Variants in CARD10 observed in about 807,000 individuals in gnomAD.
The protein encoded by CARD10 is caspase recruitment domain-containing protein 10.
CARD10 carries 49 observed loss-of-function variants against 114.6 expected under a neutral mutation model. That is an observed-to-expected ratio of 0.43 (90% confidence interval 0.34 to 0.54). The LOEUF (loss-of-function observed/expected upper bound fraction) is 0.54. Ranked by LOEUF, CARD10 falls within the 20% of genes least tolerant of loss-of-function variation. The pLI is 0.03. For synonymous variants in CARD10, 602 were observed against 593.2 expected (o/e 1.01, Z -0.21); for missense variants, 1,206 against 1,397.2 (o/e 0.86, Z 2.18).
intron 14 of CARD10, 67 bp from the exon 15 acceptor site, chr22:37,495,653 C>T (rs982522107): frequency 4.7e-5 from 76 of 1,610,378 alleles, no homozygotes; most frequent in East Asian, 1.3e-4. Context: ...TCGAACCCCC[C>T]GCCCTGTCCC....
rs760532902 is a variant in CARD10 at position 37,508,660 on chromosome 22, G to A, written c.932C>T (p.Pro311Leu). The change falls in exon 5 of 20, where the codon CCG (proline) becomes CTG (leucine). Residue 311 changes from proline to leucine, a missense_variant. Transcript: ENST00000251973. Reference sequence around the variant, plus strand: ...GTCCAGCAGGATGCGCTCGGAGCCCGGGGCCCCCGGCCGGCTCGCCTCCTG... The same window carrying A: ...GTCCAGCAGGATGCGCTCGGAGCCCAGGGCCCCCGGCCGGCTCGCCTCCTG... The part of the protein sequence containing the change: ...LQQEASRPGA[P>L]GSERILLDIL... The A allele has an allele frequency of 2.4e-5, 38 of 1,572,710 alleles. No individual in the cohort carries two copies. Among genetic ancestry groups the A allele is most frequent in the African/African-American group, 5.4e-5 (4 of 74,252 alleles).
In CARD10 at chr22:37,501,357, TGGAGGAAG is replaced by T. The variant is rs1280985363; in HGVS notation, c.1787+1237_1787+1244del. The stretch of plus-strand genomic sequence containing the variant: ...CCAGGACCCCTGCTGCAGCCCAAAC[TGGAGGAAG>T]GGAGGAAGGGCCGAGGCGAGCAGGA... On this transcript the variant is annotated intron_variant, in intron 11 of 19. Transcript: ENST00000251973. The surrounding 1 kb of genome is among the most constrained non-coding windows in gnomAD (Gnocchi z 5.4). 1.3e-5 allele frequency among the ~76,000 whole-genome samples: 2 copies of T among 152,006 alleles called. No homozygotes were observed. The highest frequency in any genetic ancestry group is 2.9e-5 in the Non-Finnish European group (2 of 67,974).
chr22:37,512,627 C>A (rs549197310), intron 3 of CARD10, among the ~76,000 whole-genome samples: 2 of 152,190 alleles, frequency 1.3e-5, no homozygotes, highest in East Asian at 3.9e-4. Context: ...TTTCCACTCA[C>A]AAAACATGCT....
chr22:37,510,286 G>C lies in CARD10; in HGVS notation c.835C>G (p.Leu279Val), dbSNP rs767037189. 2 of 1,605,418 alleles carry C rather than the reference G, an allele frequency of 1.2e-6. No individual in the cohort carries two copies. Among genetic ancestry groups the C allele is most frequent in the South Asian group, 1.1e-5 (1 of 91,024 alleles). The change falls in exon 4 of 20, where the codon CTT becomes GTT. Residue 279 changes from leucine (L) to valine (V), a missense_variant. Coordinates refer to ENST00000251973, the MANE Select transcript of CARD10 (RefSeq NM_014550.4). ...TTCTCAGCACGCAGCTCAGAGACAA[G>C]GTCCACATTGTCTGGCTCCTTCTCC... ...EKEKEPDNVD[L>V]VSELRAENQR... is the part of the protein sequence containing the mutation.
intron 2 of CARD10, among the ~76,000 whole-genome samples, chr22:37,516,624 TCAA>T (rs1480272418): frequency 1.3e-5 from 2 of 151,898 alleles, no homozygotes; most frequent in African/African-American, 4.8e-5. Flanking sequence ...ATCAATAAGA[TCAA>T]CAACCAAATA....
rs1569166135 is a variant in CARD10 at position 37,508,663 on chromosome 22, G to T, written c.929C>A (p.Ala310Asp). 6.4e-7 allele frequency: 1 copy of T among 1,570,552 alleles called. No individual in the cohort carries two copies. The highest frequency in any genetic ancestry group is 1.2e-5 in the South Asian group (1 of 86,468). ...CAGCAGGATGCGCTCGGAGCCCGGG[G>T]CCCCCGGCCGGCTCGCCTCCTGGGG... Reference protein sequence around the residue: ...GLQQEASRPGAPGSERILLDI... With the variant: ...GLQQEASRPGDPGSERILLDI... The change falls in exon 5 of 20, where the codon GCC becomes GAC. Residue 310 changes from alanine to aspartate, a missense_variant. Coordinates refer to ENST00000251973, the MANE Select transcript of CARD10 (RefSeq NM_014550.4).
chr22:37,518,985 C>A lies in CARD10; in HGVS notation c.216G>T (p.Pro72=), dbSNP rs770701158. 3 of 1,554,300 alleles carry A rather than the reference C, an allele frequency of 1.9e-6. No homozygotes were observed. Among genetic ancestry groups the A allele is most frequent in the Admixed American group, 3.6e-5 (2 of 55,786 alleles). The part of the protein sequence containing the change: ...EEEVLSTYRF[P]CRVNRTGRLM... ...GCTCACCGGTGCGGTTGACGCGGCACGGGAAGCGGTAGGTGCTCAGCACCT... is the reference window on the plus strand; with the variant it reads ...GCTCACCGGTGCGGTTGACGCGGCAAGGGAAGCGGTAGGTGCTCAGCACCT... Residue 72 remains proline, a synonymous_variant, in exon 1 of 20, where the codon CCG becomes CCT. Coordinates refer to ENST00000251973, the MANE Select transcript of CARD10 (RefSeq NM_014550.4).
chr22:37,515,104 CAG>C (rs1353757037), intron 3 of CARD10, among the ~76,000 whole-genome samples: 2 of 152,240 alleles, frequency 1.3e-5, no homozygotes, highest in African/African-American at 2.4e-5. Context: ...ATCTGAGTCT[CAG>C]AGTCTGTATT....
chr22:37,491,615 G>A lies in CARD10; in HGVS notation c.2864+140C>T, dbSNP rs1378660442. ...AGAGGGGGAGAAGGAGGGGGGAGGG[G>A]GAGGGAGAGAGGGGGAAGGAGAGAG... On this transcript the variant is annotated intron_variant, in intron 19 of 19. Transcript: ENST00000251973. 179 of 139,292 alleles carry A rather than the reference G, an allele frequency of 1.3e-3. 1 individual carries two copies. The highest frequency in any genetic ancestry group is 2.4e-3 in the East Asian group (19 of 7,848). The allele number at this position is 139,292 out of a possible 1,614,324, so 8.6% of individuals were successfully genotyped here.
At chr22:37,510,548 C>T (rs1923602484) in intron 3 of CARD10, 127 bp from the exon 4 acceptor site, 1 of 729,980 alleles carries the variant, frequency 1.4e-6, no homozygotes, top group African/African-American at 1.8e-5. Context: ...AAGCAGGAGT[C>T]CTCCCCAGGC....
Position 37,519,216 on chromosome 22 carries a change from G to A in CARD10, c.-16C>T. 6.7e-7 allele frequency: 1 copy of A among 1,502,764 alleles called. No individual in the cohort carries two copies. 93.1% of individuals were successfully genotyped at this position (1,502,764 alleles called of 1,614,324 possible). ...GGCCCGGCATGGCCGTGTCCTCAGG[G>A]TCTGCGGGCAAGAGGCGCACGGGGG... is the stretch of plus-strand genomic sequence containing the variant. On this transcript the variant is annotated 5_prime_UTR_variant, in exon 1 of 20. Transcript: ENST00000251973. The surrounding 1 kb of genome is among the most constrained non-coding windows in gnomAD (Gnocchi z 4.1).
intron 1 of CARD10, 132 bp from the exon 2 acceptor site, chr22:37,518,240 G>T: frequency 1.3e-6 from 1 of 785,994 alleles, no homozygotes; most frequent in Non-Finnish European, 2.0e-6. Flanking sequence ...ACAGGGGCCT[G>T]TCCCAACACA....
intron 18 of CARD10, 72 bp from the exon 19 acceptor site, chr22:37,491,939 CG>C: frequency 9.7e-7 from 1 of 1,032,496 alleles, no homozygotes; most frequent in South Asian, 1.3e-5. Context: ...TGCCCCCAGA[CG>C]GGTCCCCTAT....
chr22:37,510,402 T>G lies in CARD10; in HGVS notation c.719A>C (p.Lys240Thr). The G allele has an allele frequency of 6.2e-7, 1 of 1,613,640 alleles. No individual in the cohort carries two copies. The highest frequency in any genetic ancestry group is 1.1e-5 in the South Asian group (1 of 91,086). The change falls in exon 4 of 20, where the codon AAA becomes ACA. Residue 240 changes from lysine (K) to threonine (T), a missense_variant. Around this residue, in one of 2 missense-constraint regions of CARD10, gnomAD observed 1,068 missense variants for 1,179.1 expected, o/e 0.91. Coordinates refer to ENST00000251973, the MANE Select transcript of CARD10 (RefSeq NM_014550.4). ...LQLAVDQLKL[K>T]VSRLEEECAL... ...ACACTCTTCCTCCAGCCGACTCACT[T>G]TGAGCTTGAGCTGATCCACCTGGAG...
chr22:37,497,935 G>C (rs1923068506), intron 11 of CARD10, among the ~76,000 whole-genome samples: 1 of 152,092 alleles, frequency 6.6e-6, no homozygotes, highest in Non-Finnish European at 1.5e-5. Context: ...TCCAAAGGTG[G>C]TTACAACCAG....
chr22:37,519,030 G>C lies in CARD10; in HGVS notation c.171C>G (p.Ile57Met), dbSNP rs1295155383. The change falls in exon 1 of 20, where the codon ATC (isoleucine) becomes ATG (methionine). Residue 57 changes from isoleucine to methionine, a missense_variant. Physicochemically the swap from Ile to Met is conservative, Grantham distance 10. Transcript: ENST00000251973. This position sits in a 1 kb window ranked among gnomAD's most constrained non-coding sequence, Gnocchi z 4.1. Reference sequence around the variant, plus strand: ...GCACCTCCTCCTCGTCCTGCTCGTCGATGACCCGGCACTGGCGCAGATACG... The same window carrying C: ...GCACCTCCTCCTCGTCCTGCTCGTCCATGACCCGGCACTGGCGCAGATACG... The part of the protein sequence containing the change: ...LTPYLRQCRV[I>M]DEQDEEEVLS... 1.0e-5 allele frequency: 16 copies of C among 1,594,790 alleles called. No individual in the cohort carries two copies. The highest frequency in any genetic ancestry group is 1.3e-5 in the Non-Finnish European group (15 of 1,176,986).
intron 11 of CARD10, 121 bp downstream of exon 11, chr22:37,502,481 C>T: frequency 1.7e-6 from 2 of 1,189,242 alleles, no homozygotes; most frequent in Non-Finnish European, 1.2e-6. Flanking sequence ...CCAGTGTCTA[C>T]AGATCTTAAT....
intron 16 of CARD10, 135 bp downstream of exon 16, chr22:37,493,950 AC>A (rs1922898653): frequency 2.8e-6 from 2 of 712,460 alleles, no homozygotes; most frequent in South Asian, 3.1e-5. Flanking sequence ...CCCCAGCATG[AC>A]CCCCACTCCT....
Position 37,518,026 on chromosome 22 carries a change from T to C in CARD10, c.318A>G (p.Glu106=), listed in dbSNP as rs1923900642. The C allele has an allele frequency of 4.3e-6, 7 of 1,613,952 alleles. No individual in the cohort carries two copies. Among genetic ancestry groups the C allele is most frequent in the Non-Finnish European group, 5.9e-6 (7 of 1,179,964 alleles). ...CCTGGCCCGTGAGCAGCGTGAAGTG[T>C]TCGGGGTAGTAGAACTCCAGGGCTT... ...FLEALEFYYP[E]HFTLLTGQEP... is the part of the protein sequence containing the mutation. Residue 106 remains glutamate (E), a synonymous_variant, in exon 2 of 20, where the codon GAA becomes GAG. Transcript: ENST00000251973.
Sources: allele counts gnomAD v4.1 joint callset (sites outside exome capture counted in the v4.1 genomes callset), GRCh38; gene constraint gnomAD v4.1.1; regional missense constraint gnomAD v4.1.1; non-coding constraint Gnocchi (gnomAD v3.1); transcripts MANE v1.5; gene names NCBI Gene and HGNC (gene_info 2026-07-23, HGNC 2026-07-21).